The following TTC33 variants were observed in gnomAD, a reference collection of about 807,000 sequenced individuals.
The protein encoded by TTC33 is tetratricopeptide repeat domain 33, also known as tetratricopeptide repeat protein 33.
In TTC33, 24 loss-of-function variants were observed where a neutral mutation model predicts 29.4. That is an observed-to-expected ratio of 0.82 (90% CI 0.59 to 1.15). The LOEUF (loss-of-function observed/expected upper bound fraction) is 1.15, where lower values mean the gene tolerates loss of function less well. TTC33 is among the 50% of genes most tolerant of loss of function. The pLI is 0.00. For missense variants in TTC33, 286 were observed against 310.4 expected (o/e 0.92, Z 0.59); for synonymous variants, 107 against 100.3 (o/e 1.07, Z -0.40).
Position 40,738,484 on chromosome 5 carries a change from C to CAATAA in TTC33, c.222-8142_222-8141insTTATT, listed in dbSNP as rs1157898650. On this transcript the variant is annotated intron_variant, in intron 2 of 4. Coordinates refer to ENST00000337702, the MANE Select transcript of TTC33 (RefSeq NM_012382.3). ...CAATACAATACAATACAATACAATACAATACAATACAATACAATACAATAA... is the reference window on the plus strand; with the variant it reads ...CAATACAATACAATACAATACAATACAATAAAATACAATACAATACAATACAATAA... Among the ~76,000 whole-genome samples, 544 of 89,576 alleles carry CAATAA rather than the reference C, an allele frequency of 6.1e-3. 7 individuals are homozygous for CAATAA. Among genetic ancestry groups the CAATAA allele is most frequent in the African/African-American group, 0.018 (425 of 23,182 alleles). The allele number at this position is 89,576 out of a possible 152,430, so 58.8% of individuals were successfully genotyped here. A position where few individuals can be genotyped will look rare whatever the true frequency, so the allele number is the denominator to read the frequency against.
At chr5:40,751,817 C>T (rs901381479) in intron 1 of TTC33, among the ~76,000 whole-genome samples, 1 of 152,002 alleles carries the variant, frequency 6.6e-6, no homozygotes, top group Non-Finnish European at 1.5e-5. Context: ...ATTAGCTGGG[C>T]GTGGTGGCGC....
chr5:40,730,022 A>T (rs1742385898), intron 3 of TTC33, among the ~76,000 whole-genome samples: 2 of 152,154 alleles, frequency 1.3e-5, no homozygotes, highest in Non-Finnish European at 2.9e-5. Context: ...AAAGATAGCC[A>T]CCGATTCCTA....
intron 4 of TTC33, 142 bp from the exon 5 acceptor site, chr5:40,716,640 AGCTAC>A: frequency 1.6e-6 from 1 of 607,232 alleles, no homozygotes; most frequent in Non-Finnish European, 2.8e-6. Flanking sequence ...AAAAGATGGA[AGCTAC>A]GGTGTTGCCC....
chr5:40,727,188 G>A (rs1226147473), intron 4 of TTC33, among the ~76,000 whole-genome samples: 1 of 152,236 alleles, frequency 6.6e-6, no homozygotes, highest in Admixed American at 6.5e-5. Context: ...TAAAACCACT[G>A]TTAGTAAGTT....
At chr5:40,735,137 T>C (rs1742521630) in intron 2 of TTC33, among the ~76,000 whole-genome samples, 1 of 152,198 alleles carries the variant, frequency 6.6e-6, no homozygotes, top group Non-Finnish European at 1.5e-5. Context: ...GCCGAAGCCA[T>C]GATCACAGAG....
At chr5:40,728,936 G>T (rs1303686206) in intron 3 of TTC33, among the ~76,000 whole-genome samples, 1 of 152,116 alleles carries the variant, frequency 6.6e-6, no homozygotes, top group Non-Finnish European at 1.5e-5. Context: ...TCACTACTGG[G>T]CATTTCAAAC....
At chr5:40,723,025 CG>C (rs995380323) in intron 4 of TTC33, among the ~76,000 whole-genome samples, 6 of 152,260 alleles carry the variant, frequency 3.9e-5, no homozygotes, top group African/African-American at 1.4e-4. Context: ...AAGGAGAGAT[CG>C]GATTGTTACT....
At chr5:40,751,047 C>T (rs916577348) in intron 1 of TTC33, among the ~76,000 whole-genome samples, 5 of 152,092 alleles carry the variant, frequency 3.3e-5, no homozygotes, top group Admixed American at 2.0e-4. Flanking sequence ...ATATTTTGAC[C>T]ACCTCCCATG....
chr5:40,730,325 C>T lies in TTC33; in HGVS notation c.240G>A (p.Gln80=), dbSNP rs369422414. Residue 80 remains glutamine, a synonymous_variant, in exon 3 of 5, where the codon CAG becomes CAA. Coordinates refer to ENST00000337702, the MANE Select transcript of TTC33 (RefSeq NM_012382.3). ...AENKRYREAI[Q]KWDEALQLTP... ...TTAACTGTAGTGCTTCATCCCACTTCTGAATTGCCTCCCGATATCTGTGGT... is the reference window on the plus strand; with the variant it reads ...TTAACTGTAGTGCTTCATCCCACTTTTGAATTGCCTCCCGATATCTGTGGT... 6.2e-7 allele frequency: 1 copy of T among 1,613,000 alleles called. No homozygotes were observed. The highest frequency in any genetic ancestry group is 1.1e-5 in the South Asian group (1 of 90,910).
rs762715308 is a variant in TTC33 at position 40,728,309 on chromosome 5, T to TAA, written c.435+34_435+35dup. On this transcript the variant is annotated intron_variant, in intron 4 of 4. Transcript: ENST00000337702. ...AAAAAAAAAAAAGTCAAAATATACT[T>TAA]AAAATTTCTGCATTATAATAATCTG... The TAA allele has an allele frequency of 3.9e-6, 3 of 761,500 alleles. No homozygotes were observed. The African/African-American group carries it at 6.7e-5, about 17-fold the overall frequency. 47.2% of individuals were successfully genotyped at this position (761,500 alleles called of 1,614,324 possible). A position where few individuals can be genotyped will look rare whatever the true frequency, so the allele number is the denominator to read the frequency against.
intron 2 of TTC33, among the ~76,000 whole-genome samples, chr5:40,735,222 C>A: frequency 6.6e-6 from 1 of 152,162 alleles, no homozygotes; most frequent in East Asian, 1.9e-4. Flanking sequence ...TTTTATACAA[C>A]AGTGAGACAT....
In TTC33 at chr5:40,716,339, T is replaced by C. The variant is rs755006053; in HGVS notation, c.595A>G (p.Lys199Glu). The C allele has an allele frequency of 3.7e-6, 6 of 1,614,058 alleles. No homozygotes were observed. The East Asian group carries it at 1.3e-4, about 36-fold the overall frequency. The change falls in exon 5 of 5, where the codon AAG (lysine) becomes GAG (glutamate). Residue 199 changes from lysine to glutamate, a missense_variant. By Grantham distance (56) the Lys-to-Glu change is moderately conservative. Coordinates refer to ENST00000337702, the MANE Select transcript of TTC33 (RefSeq NM_012382.3). ...APAEVTHFSP[K>E]SIPDYDFESD... ...TCAAAGTCATAGTCTGGAATTGACT[T>C]TGGTGAAAAGTGTGTTACTTCAGCT...
chr5:40,747,784 T>G (rs1276183924), intron 1 of TTC33, among the ~76,000 whole-genome samples: 2 of 152,182 alleles, frequency 1.3e-5, no homozygotes, highest in African/African-American at 4.8e-5. Flanking sequence ...ACATAACATG[T>G]GGATCTTGTT....
At chr5:40,733,600 G>A (rs1742484439) in intron 2 of TTC33, among the ~76,000 whole-genome samples, 1 of 152,108 alleles carries the variant, frequency 6.6e-6, no homozygotes, top group Admixed American at 6.6e-5. Context: ...TCACCCCATA[G>A]AAGGCATTTG....
rs567662038 is a variant in TTC33 at position 40,746,622 on chromosome 5, T to C, written c.221+176A>G. ...CTTTCATTGCATCCTGAAAACTATT[T>C]TACAAACTTTCATTTTTCAGGTGAC... is the stretch of plus-strand genomic sequence containing the variant. On this transcript the variant is annotated intron_variant, in intron 2 of 4. Coordinates refer to ENST00000337702, the MANE Select transcript of TTC33 (RefSeq NM_012382.3). Among the ~76,000 whole-genome samples the C allele has an allele frequency of 3.3e-5, 5 of 152,302 alleles. No individual in the cohort carries two copies. In the South Asian group the frequency reaches 1.0e-3, roughly 32 times the overall value.
At chr5:40,741,224 C>A (rs1742686806) in intron 2 of TTC33, among the ~76,000 whole-genome samples, 1 of 152,146 alleles carries the variant, frequency 6.6e-6, no homozygotes, top group African/African-American at 2.4e-5. Flanking sequence ...TCAGTTTGAA[C>A]CCTTCAAAAA....
chr5:40,738,705 C>G lies in TTC33; in HGVS notation c.221+8093G>C, dbSNP rs1579686005. 5.9e-5 allele frequency among the ~76,000 whole-genome samples: 9 copies of G among 152,184 alleles called. No individual in the cohort carries two copies. In the South Asian group the frequency reaches 1.9e-3, roughly 32 times the overall value. On this transcript the variant is annotated intron_variant, in intron 2 of 4. Transcript: ENST00000337702. The stretch of plus-strand genomic sequence containing the variant: ...TTAACTTGCTCCATATCTTTGCCAA[C>G]ACTTGATACTGTCAATCTTTTCAAT...
intron 2 of TTC33, among the ~76,000 whole-genome samples, chr5:40,740,128 T>C (rs374875521): frequency 2.6e-5 from 4 of 152,130 alleles, no homozygotes; most frequent in East Asian, 3.8e-4. Context: ...TTTACTTCTA[T>C]ATAACTTTGC....
intron 1 of TTC33, among the ~76,000 whole-genome samples, chr5:40,753,350 G>A (rs1018285159): frequency 6.7e-6 from 1 of 149,202 alleles, no homozygotes; most frequent in African/African-American, 2.5e-5. Flanking sequence ...AGCGACACGA[G>A]CAAAACTCCA....
Sources: gnomAD v4.1 joint callset for allele counts (sites outside exome capture counted in the v4.1 genomes callset) on GRCh38, gnomAD v4.1.1 for gene constraint, MANE v1.5 for transcripts, NCBI Gene and HGNC (gene_info 2026-07-23, HGNC 2026-07-21) for gene names.